ADGRL2: variants seen among roughly 807,000 people sequenced by gnomAD.
ADGRL2 encodes calcium-independent alpha-latrotoxin receptor 2.
Under a neutral mutation model 157.4 loss-of-function variants are expected in ADGRL2, and 44 were observed. The observed-to-expected ratio is 0.28, with a 90% CI of 0.22 to 0.36. The LOEUF is 0.36. ADGRL2 is among the 10% of genes least tolerant of loss of function. ADGRL2 has a pLI of 1.00. For synonymous variants in ADGRL2, 585 were observed against 624.7 expected, an observed-to-expected ratio of 0.94 and a Z score of 0.95; for missense variants, 1,510 against 1,768.9, an observed-to-expected ratio of 0.85 and a Z score of 2.63.
chr1:81,567,723 T>C (rs575840906), intron 2 of ADGRL2, among the ~76,000 whole-genome samples: 69 of 152,254 alleles, frequency 4.5e-4, no homozygotes, highest in Non-Finnish European at 9.0e-4. Context: ...AATGTTAAAA[T>C]GCTTTTTACA....
intron 1 of ADGRL2, among the ~76,000 whole-genome samples, chr1:81,821,881 G>A (rs963268145): frequency 2.0e-5 from 3 of 152,084 alleles, no homozygotes; most frequent in Non-Finnish European, 2.9e-5. Flanking sequence ...GATTTGTAAA[G>A]TCCATTAAGT....
upstream of ADGRL2, among the ~76,000 whole-genome samples, chr1:81,799,308 AG>A (rs2087756397): frequency 6.6e-6 from 1 of 152,142 alleles, no homozygotes; most frequent in Admixed American, 6.5e-5. Context: ...GTGTGTATGT[AG>A]TTTAAAGCAC....
intron 11 of ADGRL2, among the ~76,000 whole-genome samples, chr1:81,958,622 A>G (rs1045128710): frequency 6.6e-6 from 1 of 152,222 alleles, no homozygotes; most frequent in African/African-American, 2.4e-5. Context: ...TCTAATTGTG[A>G]CATTTAAAAA....
chr1:81,512,499 C>G (rs529498734), intron 2 of ADGRL2, among the ~76,000 whole-genome samples: 9 of 152,152 alleles, frequency 5.9e-5, no homozygotes, highest in Admixed American at 2.6e-4. Flanking sequence ...GGTTCTGATT[C>G]TACACAATGT....
At chr1:81,743,905 T>C (rs1275493031) in intron 1 of ADGRL2, among the ~76,000 whole-genome samples, 1 of 152,132 alleles carries the variant, frequency 6.6e-6, no homozygotes, top group Non-Finnish European at 1.5e-5. Context: ...TTTTGTAATA[T>C]AGCAGTTATC....
At chr1:81,872,118 A>T (rs553200562) in intron 2 of ADGRL2, among the ~76,000 whole-genome samples, 167 of 152,306 alleles carry the variant, frequency 1.1e-3, no homozygotes, top group African/African-American at 3.9e-3. Context: ...ATAAGGTGTA[A>T]GGAAAGGGAT....
intron 1 of ADGRL2, among the ~76,000 whole-genome samples, chr1:81,708,246 T>C (rs1447865132): frequency 6.6e-6 from 1 of 152,332 alleles, no homozygotes; most frequent in African/African-American, 2.4e-5. Flanking sequence ...AATGCCGTGC[T>C]TCACATGCTT....
chr1:81,511,399 C>T (rs1377643409), intron 2 of ADGRL2, among the ~76,000 whole-genome samples: 3 of 132,712 alleles, frequency 2.3e-5, no homozygotes, highest in Admixed American at 7.4e-5. Context: ...AAAAAAAGCG[C>T]GCACACACAC....
chr1:81,353,728 A>G (rs1322401376), intron 1 of ADGRL2, among the ~76,000 whole-genome samples: 1 of 152,092 alleles, frequency 6.6e-6, no homozygotes, highest in East Asian at 1.9e-4. Context: ...GAAGAGGGAG[A>G]AAAGGGTGAG....
chr1:81,947,839 C>A (rs1352791325), intron 6 of ADGRL2, among the ~76,000 whole-genome samples: 2 of 152,066 alleles, frequency 1.3e-5, no homozygotes, highest in Non-Finnish European at 2.9e-5. Context: ...GCTTTATGAT[C>A]ATGTTTATTT....
intron 2 of ADGRL2, among the ~76,000 whole-genome samples, chr1:81,449,166 G>T (rs137884309): frequency 3.3e-5 from 5 of 151,976 alleles, no homozygotes; most frequent in East Asian, 1.9e-4. Flanking sequence ...ATTATCCAGG[G>T]TCTGTGTAAT....
At chr1:81,884,002 T>C (rs2094058721) in intron 2 of ADGRL2, among the ~76,000 whole-genome samples, 1 of 152,018 alleles carries the variant, frequency 6.6e-6, no homozygotes, top group Non-Finnish European at 1.5e-5. Flanking sequence ...GTCTTTTTTT[T>C]TTTTTTAGGA....
At chr1:81,523,925 T>C (rs11163325) in intron 2 of ADGRL2, among the ~76,000 whole-genome samples, 58,952 of 151,482 alleles carry the variant, frequency 0.39, 15,582 homozygotes, top group African/African-American at 0.75. Context: ...AGTAGCTGGG[T>C]GTGGTGACAG....
chr1:81,691,089 G>A (rs1218000356), intron 3 of ADGRL2, among the ~76,000 whole-genome samples: 72 of 152,170 alleles, frequency 4.7e-4, no homozygotes, highest in Non-Finnish European at 7.4e-5. Context: ...TACATTGCAC[G>A]AAAATCGTAC....
intron 17 of ADGRL2, among the ~76,000 whole-genome samples, chr1:81,979,098 G>T (rs1413383980): frequency 6.6e-6 from 1 of 151,774 alleles, no homozygotes; most frequent in Non-Finnish European, 1.5e-5. Context: ...TCAAAACACA[G>T]CTCCTTTTCC....
chr1:81,767,107 G>A (rs1051350691), intron 2 of ADGRL2, among the ~76,000 whole-genome samples: 1 of 152,012 alleles, frequency 6.6e-6, no homozygotes, highest in Non-Finnish European at 1.5e-5. Flanking sequence ...ATAGAAAGTT[G>A]TATTTATCTA....
intron 2 of ADGRL2, among the ~76,000 whole-genome samples, chr1:81,784,727 C>CAAAAAA (rs375897514): frequency 9.1e-6 from 1 of 110,276 alleles, no homozygotes; most frequent in Non-Finnish European, 1.8e-5. Context: ...GACCCCGTCT[C>CAAAAAA]AAAAAAAAAA....
intron 2 of ADGRL2, among the ~76,000 whole-genome samples, chr1:81,769,085 A>G (rs1221907732): frequency 1.3e-5 from 2 of 152,068 alleles, no homozygotes; most frequent in African/African-American, 4.8e-5. Flanking sequence ...TCCATCTCAA[A>G]AAAAAAATTG....
intron 8 of ADGRL2, 82 bp from the exon 9 acceptor site, chr1:81,951,875 C>A: frequency 8.9e-7 from 1 of 1,118,592 alleles, no homozygotes. Flanking sequence ...TTTTTTTCAC[C>A]ACAATAAAGA....
Sources: allele counts gnomAD v4.1 joint callset (sites outside exome capture counted in the v4.1 genomes callset), GRCh38; gene constraint gnomAD v4.1.1; transcripts MANE v1.5; gene names NCBI Gene and HGNC (gene_info 2026-07-23, HGNC 2026-07-21).